The following EDIL3 variants were observed in gnomAD, a reference collection of about 807,000 sequenced individuals.
EDIL3 encodes the protein EGF-like repeat and discoidin I-like domain-containing protein 3.
Under a neutral mutation model 67.4 loss-of-function variants are expected in EDIL3, and 37 were observed. The ratio of observed to expected loss-of-function variants is 0.55; its 90% CI spans 0.42 to 0.72. EDIL3 has a LOEUF of 0.72. Among genes scored for constraint, EDIL3 ranks in the 30% least tolerant of loss-of-function variants. The probability of loss-of-function intolerance (pLI) is 0.00; values close to 1 mark genes in which losing one functional copy is unlikely to be tolerated. For synonymous variants in EDIL3, 195 were observed against 196.3 expected (o/e 0.99, Z 0.05); for missense variants, 527 against 586.3 (o/e 0.90, Z 1.04).
intron 9 of EDIL3, among the ~76,000 whole-genome samples, chr5:84,018,938 C>T (rs933523065): frequency 2.0e-5 from 3 of 152,142 alleles, no homozygotes; most frequent in African/African-American, 7.2e-5. Context: ...CACTTTTACA[C>T]TGTTGGTGGG....
At chr5:84,034,060 T>G (rs1041512277) in intron 9 of EDIL3, among the ~76,000 whole-genome samples, 1 of 152,174 alleles carries the variant, frequency 6.6e-6, no homozygotes, top group African/African-American at 2.4e-5. Context: ...AGCTACTGCA[T>G]GTAATTAGAA....
intron 9 of EDIL3, among the ~76,000 whole-genome samples, chr5:83,999,470 T>C (rs1745286656): frequency 6.6e-6 from 1 of 152,030 alleles, no homozygotes; most frequent in South Asian, 2.1e-4. Context: ...TTCTTAAATA[T>C]CAAGCGGAAA....
At chr5:84,161,200 C>T (rs1009116714) in intron 4 of EDIL3, among the ~76,000 whole-genome samples, 1 of 151,946 alleles carries the variant, frequency 6.6e-6, no homozygotes, top group African/African-American at 2.4e-5. Flanking sequence ...GAGTAGTATT[C>T]CATGGTGTGT....
chr5:84,222,625 T>C (rs1025392490), intron 3 of EDIL3, among the ~76,000 whole-genome samples: 10 of 151,862 alleles, frequency 6.6e-5, no homozygotes, highest in African/African-American at 2.4e-4. Flanking sequence ...ACAGTATGGC[T>C]TTTGTATTTT....
At chr5:84,075,886 G>GCACT (rs1554066710) in intron 6 of EDIL3, among the ~76,000 whole-genome samples, 2 of 51,544 alleles carry the variant, frequency 3.9e-5, no homozygotes, top group Non-Finnish European at 3.7e-5. Context: ...GCAAAAGTGT[G>GCACT]CACGCACACA....
chr5:84,342,073 C>T (rs11951913), intron 1 of EDIL3, among the ~76,000 whole-genome samples: 2,359 of 151,998 alleles, frequency 0.016, 86 homozygotes, highest in African/African-American at 0.053. Context: ...GTTTATCACA[C>T]GATTCACAAC....
chr5:84,277,145 T>C (rs1745597939), intron 1 of EDIL3, among the ~76,000 whole-genome samples: 1 of 152,156 alleles, frequency 6.6e-6, no homozygotes, highest in Admixed American at 6.5e-5. Context: ...TTGGCTGCAA[T>C]GAATGGAATG....
chr5:84,029,210 G>A (rs112748433), intron 9 of EDIL3, among the ~76,000 whole-genome samples: 8 of 152,180 alleles, frequency 5.3e-5, no homozygotes, highest in African/African-American at 1.7e-4. Context: ...TGAGCCAATT[G>A]CGCCACTGCA....
At chr5:84,130,485 C>T (rs114069406) in intron 5 of EDIL3, among the ~76,000 whole-genome samples, 5,371 of 152,206 alleles carry the variant, frequency 0.035, 252 homozygotes, top group East Asian at 0.098. Flanking sequence ...CAGACTTAGG[C>T]AGTTTTCTTG....
At chr5:84,337,201 T>C (rs1234978692) in intron 1 of EDIL3, among the ~76,000 whole-genome samples, 5 of 152,184 alleles carry the variant, frequency 3.3e-5, no homozygotes, top group Non-Finnish European at 2.9e-5. Flanking sequence ...CAGAACTTTG[T>C]CTCCTTAAAG....
intron 4 of EDIL3, among the ~76,000 whole-genome samples, chr5:84,166,325 T>A (rs1748702670): frequency 6.6e-6 from 1 of 152,144 alleles, no homozygotes; most frequent in Non-Finnish European, 1.5e-5. Flanking sequence ...CACATACTAT[T>A]TAAGAGTTTT....
intron 5 of EDIL3, among the ~76,000 whole-genome samples, chr5:84,131,841 T>G (rs986835144): frequency 2.0e-5 from 3 of 152,056 alleles, no homozygotes; most frequent in Admixed American, 2.0e-4. Context: ...ACAATACAAA[T>G]CTCATCATGT....
At chr5:83,971,021 T>C (rs181496046) in intron 9 of EDIL3, among the ~76,000 whole-genome samples, 1 of 151,606 alleles carries the variant, frequency 6.6e-6, no homozygotes, top group Non-Finnish European at 1.5e-5. Flanking sequence ...CTGAGGTTTT[T>C]TTTTGTAATA....
chr5:84,213,726 T>C (rs955933515), intron 3 of EDIL3, among the ~76,000 whole-genome samples: 1 of 152,174 alleles, frequency 6.6e-6, no homozygotes, highest in African/African-American at 2.4e-5. Context: ...AATAAATATA[T>C]TTTCTTAAAA....
chr5:84,171,262 A>C (rs1392948561), intron 4 of EDIL3, among the ~76,000 whole-genome samples: 1 of 152,224 alleles, frequency 6.6e-6, no homozygotes, highest in African/African-American at 2.4e-5. Context: ...CTGTTAATCT[A>C]AAGTAGCAAT....
intron 6 of EDIL3, among the ~76,000 whole-genome samples, chr5:84,085,164 G>A (rs868091184): frequency 6.6e-6 from 1 of 152,138 alleles, no homozygotes; most frequent in Non-Finnish European, 1.5e-5. Context: ...CCTACCTTCT[G>A]AAGCCTTCTT....
intron 1 of EDIL3, among the ~76,000 whole-genome samples, chr5:84,373,229 A>G (rs901333193): frequency 3.3e-5 from 5 of 151,986 alleles, no homozygotes; most frequent in African/African-American, 1.2e-4. Flanking sequence ...CCTCCCCAAC[A>G]TTTCTTGGGG....
chr5:84,056,609 T>C (rs1225588915), intron 9 of EDIL3, among the ~76,000 whole-genome samples: 3 of 152,136 alleles, frequency 2.0e-5, no homozygotes, highest in Non-Finnish European at 2.9e-5. Context: ...TATTGCCAGA[T>C]ATCTGATTAG....
intron 3 of EDIL3, among the ~76,000 whole-genome samples, chr5:84,192,156 AT>A (rs1242979628): frequency 6.6e-6 from 1 of 151,662 alleles, no homozygotes; most frequent in African/African-American, 2.4e-5. Context: ...AAATCATAAG[AT>A]TTTTTTACCC....
Sources: allele counts gnomAD v4.1 joint callset (sites outside exome capture counted in the v4.1 genomes callset), GRCh38; gene constraint gnomAD v4.1.1; transcripts MANE v1.5; gene names NCBI Gene and HGNC (gene_info 2026-07-23, HGNC 2026-07-21).